The following BIRC6 variants were observed in gnomAD, a reference collection of about 807,000 sequenced individuals.
BIRC6 encodes the protein baculoviral IAP repeat containing 6.
Under a neutral mutation model 503.3 loss-of-function variants are expected in BIRC6, and 98 were observed. The observed-to-expected ratio is 0.19, with a 90% CI of 0.17 to 0.23. BIRC6 has a LOEUF of 0.23. Among genes scored for constraint, BIRC6 ranks in the 10% least tolerant of loss-of-function variants. BIRC6 has a pLI of 1.00. For synonymous variants in BIRC6, 2,240 were observed against 2,078.7 expected (o/e 1.08, Z -2.11); for missense variants, 5,360 against 5,806.0 (o/e 0.92, Z 2.50).
intron 64 of BIRC6, among the ~76,000 whole-genome samples, chr2:32,548,365 C>CTTTTTTTTTTTTTTTT (rs1202755440): frequency 2.7e-5 from 2 of 73,364 alleles, no homozygotes; most frequent in Non-Finnish European, 5.1e-5. Context: ...TGGTTGCTTA[C>CTTTTTTTTTTTTTTTT]TTTTTTTTTT....
intron 44 of BIRC6, among the ~76,000 whole-genome samples, chr2:32,491,769 GGTT>G (rs1240217603): frequency 6.6e-6 from 1 of 152,020 alleles, no homozygotes; most frequent in Admixed American, 6.6e-5. Context: ...AGTGATACTA[GGTT>G]TTCATATAGA....
chr2:32,481,299 A>T, intron 37 of BIRC6, 21 bp from the exon 38 acceptor site: 1 of 1,541,392 alleles, frequency 6.5e-7, no homozygotes, highest in East Asian at 2.4e-5. Context: ...CACCAATAAG[A>T]TCACTTTTAA....
Position 32,442,119 on chromosome 2 carries a change from T to C in BIRC6, c.3999T>C (p.Asn1333=). Residue 1333 remains asparagine (N), a synonymous_variant, in exon 18 of 74, where the codon AAT becomes AAC. Transcript: ENST00000421745. ...CAGAATTTCATGAGAAGCTTCTTAATACTCTTTGCAGAAAAACAGATGATG... is the reference window on the plus strand; with the variant it reads ...CAGAATTTCATGAGAAGCTTCTTAACACTCTTTGCAGAAAAACAGATGATG... ...QFSEFHEKLL[N]TLCRKTDDGQ... The C allele has an allele frequency of 6.2e-7, 1 of 1,608,958 alleles. No homozygotes were observed. Among genetic ancestry groups the C allele is most frequent in the Non-Finnish European group, 8.5e-7 (1 of 1,178,602 alleles).
In BIRC6 at chr2:32,357,089, T is replaced by A. The variant is rs2033163855; in HGVS notation, c.-73T>A. 3 of 1,305,346 alleles carry A rather than the reference T, an allele frequency of 2.3e-6. No individual in the cohort carries two copies. 80.9% of individuals were successfully genotyped at this position (1,305,346 alleles called of 1,614,324 possible). ...GAGTTTGGCCCCTCCGGCCGGGCGA[T>A]CGACGTTCCGCGTGCGTGCGGGCGC... On this transcript the variant is annotated 5_prime_UTR_variant, in exon 1 of 74. Coordinates refer to ENST00000421745, the MANE Select transcript of BIRC6 (RefSeq NM_016252.4). This position sits in a 1 kb window ranked among gnomAD's most constrained non-coding sequence, Gnocchi z 4.9.
chr2:32,601,928 G>A (rs1048650089), intron 70 of BIRC6, among the ~76,000 whole-genome samples: 2 of 152,162 alleles, frequency 1.3e-5, no homozygotes, highest in African/African-American at 4.8e-5. Flanking sequence ...CTAGTTGAAT[G>A]TAGAGGCAGA....
chr2:32,486,427 G>A (rs1452975498), intron 40 of BIRC6, among the ~76,000 whole-genome samples: 1 of 152,048 alleles, frequency 6.6e-6, no homozygotes, highest in East Asian at 1.9e-4. Flanking sequence ...ATCACATTAC[G>A]GTTTGTTTTC....
chr2:32,565,824 A>T (rs572947824), intron 65 of BIRC6: 1 of 152,342 alleles, frequency 6.6e-6, no homozygotes, highest in Non-Finnish European at 1.5e-5. Flanking sequence ...GTGCAGAGCA[A>T]CGCAGTGAGA....
At chr2:32,614,500 A>G (rs2063103510) in intron 73 of BIRC6, among the ~76,000 whole-genome samples, 1 of 152,218 alleles carries the variant, frequency 6.6e-6, no homozygotes, top group African/African-American at 2.4e-5. Flanking sequence ...ATATCATTTT[A>G]ACTGTACATT....
chr2:32,521,341 G>A (rs2055644848), intron 57 of BIRC6, among the ~76,000 whole-genome samples: 1 of 77,102 alleles, frequency 1.3e-5, no homozygotes, highest in Non-Finnish European at 2.5e-5. Flanking sequence ...CAGACCACCT[G>A]GGCAACATAG....
chr2:32,397,882 T>C (rs1419538417), intron 6 of BIRC6, among the ~76,000 whole-genome samples: 1 of 152,074 alleles, frequency 6.6e-6, no homozygotes, highest in African/African-American at 2.4e-5. Context: ...TGAAAACCCA[T>C]GTTTTCTTGA....
intron 10 of BIRC6, among the ~76,000 whole-genome samples, chr2:32,421,407 T>G (rs75363598): frequency 0.062 from 9,492 of 152,272 alleles, 383 homozygotes; most frequent in East Asian, 0.13. Context: ...GCTGGCCTTC[T>G]TTAGTTTCTT....
intron 39 of BIRC6, among the ~76,000 whole-genome samples, chr2:32,484,071 T>G (rs1183372233): frequency 6.6e-6 from 1 of 152,120 alleles, no homozygotes; most frequent in Non-Finnish European, 1.5e-5. Flanking sequence ...CAAGAAGCAG[T>G]TCACCATTTT....
intron 61 of BIRC6, among the ~76,000 whole-genome samples, chr2:32,533,417 G>C (rs552934882): frequency 1.3e-5 from 2 of 152,148 alleles, no homozygotes; most frequent in African/African-American, 4.8e-5. Context: ...AATGTGCGAG[G>C]AAAGATATAA....
intron 23 of BIRC6, among the ~76,000 whole-genome samples, chr2:32,461,990 C>G (rs757534770): frequency 1.5e-4 from 22 of 151,586 alleles, no homozygotes; most frequent in Non-Finnish European, 2.4e-4. Flanking sequence ...GATCCTAGTT[C>G]TACTGTGAGT....
At chr2:32,477,726 C>A in intron 35 of BIRC6, 143 bp downstream of exon 35, 1 of 441,114 alleles carries the variant, frequency 2.3e-6, no homozygotes, top group Non-Finnish European at 3.8e-6. Context: ...TGGCAAAACC[C>A]CGTCTCTACA....
At chr2:32,511,211 T>TTTTTTTTTTTTTTTTTTTTTTTTTTTA in intron 53 of BIRC6, among the ~76,000 whole-genome samples, 1 of 143,834 alleles carries the variant, frequency 7.0e-6, no homozygotes, top group East Asian at 2.0e-4. Flanking sequence ...CTTTTTTTTT[T>TTTTTTTTTTTTTTTTTTTTTTTTTTTA]TTTTTTTTTT....
intron 69 of BIRC6, among the ~76,000 whole-genome samples, chr2:32,599,456 A>G (rs755290669): frequency 1.1e-4 from 17 of 151,986 alleles, no homozygotes; most frequent in Non-Finnish European, 2.2e-4. Context: ...CCTGGACAAC[A>G]TGGGGAACTG....
At chr2:32,459,855 A>G (rs2047640327) in intron 23 of BIRC6, among the ~76,000 whole-genome samples, 2 of 151,228 alleles carry the variant, frequency 1.3e-5, no homozygotes, top group African/African-American at 4.9e-5. Context: ...TAATCATTCC[A>G]TTCATTTGGT....
intron 61 of BIRC6, among the ~76,000 whole-genome samples, chr2:32,541,261 A>G (rs1298722503): frequency 4.6e-5 from 7 of 152,082 alleles, no homozygotes; most frequent in Admixed American, 4.6e-4. Flanking sequence ...AATGGTTTAG[A>G]AGTGAAAAGT....
Sources: allele counts gnomAD v4.1 joint callset (sites outside exome capture counted in the v4.1 genomes callset), GRCh38; gene constraint gnomAD v4.1.1; non-coding constraint Gnocchi (gnomAD v3.1); transcripts MANE v1.5; gene names NCBI Gene and HGNC (gene_info 2026-07-23, HGNC 2026-07-21).